LPA: variants seen among roughly 807,000 people sequenced by gnomAD.
LPA encodes the protein apolipoprotein(a).
A neutral mutation model predicts 197.9 loss-of-function variants in LPA; 199 were observed. The observed-to-expected ratio is 1.01, with a 90% CI of 0.90 to 1.13. The LOEUF (loss-of-function observed/expected upper bound fraction) is 1.13. Ranked by LOEUF, LPA falls within the 50% of genes most tolerant of loss-of-function variation. The pLI, the probability that LPA is intolerant of heterozygous loss-of-function variation, is 0.00. For missense variants in LPA, 1,853 were observed against 1,785.8 expected (o/e 1.04, Z -0.68); for synonymous variants, 715 against 639.5 (o/e 1.12, Z -1.78).
At chr6:160,588,149 G>A (rs1778952108) in intron 24 of LPA, among the ~76,000 whole-genome samples, 2 of 152,084 alleles carry the variant, frequency 1.3e-5, no homozygotes, top group Admixed American at 6.5e-5. Flanking sequence ...ATGTATCACA[G>A]TGAAAGCTTC....
intron 1 of LPA, among the ~76,000 whole-genome samples, chr6:160,662,211 C>A (rs918150124): frequency 2.6e-5 from 4 of 152,132 alleles, no homozygotes; most frequent in Non-Finnish European, 5.9e-5. Flanking sequence ...TTAAACAAAT[C>A]TTTTAATAGG....
chr6:160,534,655 T>A (rs1224969040), intron 37 of LPA, among the ~76,000 whole-genome samples: 1 of 152,250 alleles, frequency 6.6e-6, no homozygotes, highest in Non-Finnish European at 1.5e-5. Context: ...GATGTCATTA[T>A]TAACATGTAG....
intron 27 of LPA, among the ~76,000 whole-genome samples, chr6:160,577,770 G>T (rs1402350008): frequency 1.3e-5 from 2 of 152,298 alleles, no homozygotes; most frequent in Middle Eastern, 6.8e-3. Context: ...ATTTAGGAGT[G>T]CAGGCAAAGA....
rs145258881 is a variant in LPA at position 160,569,822 on chromosome 6, A to T, written c.4631+7314T>A. On this transcript the variant is annotated intron_variant, in intron 28 of 38. Coordinates refer to ENST00000316300, the MANE Select transcript of LPA (RefSeq NM_005577.4). The stretch of plus-strand genomic sequence containing the variant: ...AAACAACCCCATCAAAAAGTTGGCA[A>T]AGGATATTAACAGACAATTCTCAAA... Among the ~76,000 whole-genome samples, 761 of 152,344 alleles carry T rather than the reference A, an allele frequency of 5.0e-3. 6 individuals carry two copies. The highest frequency in any genetic ancestry group is 0.017 in the Middle Eastern group (5 of 294).
intron 28 of LPA, among the ~76,000 whole-genome samples, chr6:160,567,559 A>G (rs974802850): frequency 6.6e-6 from 1 of 152,208 alleles, no homozygotes; most frequent in African/African-American, 2.4e-5. Flanking sequence ...TCTAAAATTG[A>G]CACCCTAACA....
intron 30 of LPA, among the ~76,000 whole-genome samples, chr6:160,555,006 C>A (rs1778230875): frequency 6.6e-6 from 1 of 151,986 alleles, no homozygotes; most frequent in African/African-American, 2.4e-5. Flanking sequence ...TGTCTCTTGT[C>A]CAACATGTGG....
intron 1 of LPA, among the ~76,000 whole-genome samples, chr6:160,654,123 AG>A (rs1780089400): frequency 1.3e-5 from 1 of 75,366 alleles, no homozygotes; most frequent in Non-Finnish European, 2.6e-5. Flanking sequence ...ATGTATATAA[AG>A]GGGATCTTAT....
intron 16 of LPA, among the ~76,000 whole-genome samples, chr6:160,608,197 C>T (rs375356622): frequency 6.6e-6 from 1 of 152,150 alleles, no homozygotes; most frequent in Non-Finnish European, 1.5e-5. Flanking sequence ...AAGTTCCCTT[C>T]TTGTACTATT....
chr6:160,654,624 T>C (rs1780100170), intron 1 of LPA, among the ~76,000 whole-genome samples: 1 of 152,110 alleles, frequency 6.6e-6, no homozygotes, highest in African/African-American at 2.4e-5. Flanking sequence ...ACTATCCTCA[T>C]ACAACCAGAA....
intron 30 of LPA, among the ~76,000 whole-genome samples, chr6:160,552,308 G>A (rs1220854936): frequency 2.6e-5 from 4 of 152,094 alleles, no homozygotes; most frequent in African/African-American, 7.2e-5. Context: ...TGTTGCAATA[G>A]TGCTTGGGTG....
chr6:160,611,060 C>A (rs571124776), intron 16 of LPA, among the ~76,000 whole-genome samples: 3 of 152,098 alleles, frequency 2.0e-5, no homozygotes, highest in African/African-American at 4.8e-5. Flanking sequence ...TCTATCCTTT[C>A]AGGCCACTGG....
rs1778288384 is a variant in LPA, at chr6:160,557,652, A to G, written c.4632-81T>C. The G allele has an allele frequency of 3.1e-6, 4 of 1,273,858 alleles. No homozygotes were observed. In the African/African-American group the frequency reaches 5.9e-5, roughly 19 times the overall value. 78.9% of individuals were successfully genotyped at this position (1,273,858 alleles called of 1,614,324 possible). A position where few individuals can be genotyped will look rare whatever the true frequency, so the allele number is the denominator to read the frequency against. On this transcript the variant is annotated intron_variant, in intron 28 of 38. Transcript: ENST00000316300. ...CCAGCGCTGTCTAAACTTTGTTATA[A>G]CAAAGTGTTAAAAAGTGACGTTGTA...
At chr6:160,538,194 T>C (rs1007584714) in intron 36 of LPA, among the ~76,000 whole-genome samples, 3 of 152,220 alleles carry the variant, frequency 2.0e-5, no homozygotes, top group African/African-American at 4.8e-5. Context: ...TGCAAGAAAC[T>C]GAGGGTGGCC....
At chr6:160,551,011 T>G (rs1013385519) in intron 30 of LPA, among the ~76,000 whole-genome samples, 2 of 152,252 alleles carry the variant, frequency 1.3e-5, no homozygotes, top group African/African-American at 4.8e-5. Context: ...CTTGGAGATG[T>G]CTTCGTGGAC....
rs372180684 is a variant in LPA, at chr6:160,664,098, G to T, written c.49+68C>A. The T allele has an allele frequency of 3.3e-4, 430 of 1,288,128 alleles. 3 individuals are homozygous for T. The highest frequency in any genetic ancestry group is 1.8e-4 in the Admixed American group (10 of 56,326). The allele number at this position is 1,288,128 out of a possible 1,614,324, so 79.8% of individuals were successfully genotyped here. A position where few individuals can be genotyped will look rare whatever the true frequency, so the allele number is the denominator to read the frequency against. On this transcript the variant is annotated intron_variant, in intron 1 of 38. Coordinates refer to ENST00000316300, the MANE Select transcript of LPA (RefSeq NM_005577.4). ...TAAATGAATTGCACATAAAGCCATGGCATATGTATTTTTACTACATTGTGG... is the reference window on the plus strand; with the variant it reads ...TAAATGAATTGCACATAAAGCCATGTCATATGTATTTTTACTACATTGTGG...
Position 160,578,676 on chromosome 6 carries a change from G to T in LPA, c.4318C>A (p.Pro1440Thr). 1.2e-6 allele frequency: 2 copies of T among 1,613,854 alleles called. No homozygotes were observed. Among genetic ancestry groups the T allele is most frequent in the Non-Finnish European group, 1.7e-6 (2 of 1,179,894 alleles). The stretch of plus-strand genomic sequence containing the variant: ...CACCAAGGGCGAATCTCAGCATCTG[G>T]ATTCCTGCAGTAGTTCCTGGTCAGG... Reference protein sequence around the residue: ...AGLTRNYCRNPDAEIRPWCYT... With the variant: ...AGLTRNYCRNTDAEIRPWCYT... Residue 1440 changes from proline to threonine, a missense_variant, in exon 27 of 39, where the codon CCA (proline) becomes ACA (threonine). Physicochemically the swap from Pro to Thr is conservative, Grantham distance 38 (BLOSUM62 -1). Transcript: ENST00000316300.
At chr6:160,560,217 CTT>C (rs1157765906) in intron 28 of LPA, among the ~76,000 whole-genome samples, 3 of 152,164 alleles carry the variant, frequency 2.0e-5, no homozygotes, top group Non-Finnish European at 4.4e-5. Context: ...GGTTCCAAGT[CTT>C]TGCTATTGTG....
chr6:160,605,364 C>G (rs1173034884), intron 17 of LPA, among the ~76,000 whole-genome samples, 159 bp from the exon 18 acceptor site: 1 of 152,128 alleles, frequency 6.6e-6, no homozygotes, highest in Non-Finnish European at 1.5e-5. Flanking sequence ...GGCAGATGGA[C>G]TTGAGAAAAG....
chr6:160,577,008 C>A, intron 28 of LPA, 128 bp downstream of exon 28: 1 of 1,115,596 alleles, frequency 9.0e-7, no homozygotes, highest in Non-Finnish European at 1.4e-6. Flanking sequence ...AGCAAAGGTC[C>A]TGAGACATTT....
Sources: allele counts gnomAD v4.1 joint callset (sites outside exome capture counted in the v4.1 genomes callset), GRCh38; gene constraint gnomAD v4.1.1; transcripts MANE v1.5; gene names NCBI Gene and HGNC (gene_info 2026-07-23, HGNC 2026-07-21).